Variants in LRRC4C observed in about 807,000 individuals in gnomAD.
The protein encoded by LRRC4C is leucine rich repeat containing 4C.
LRRC4C carries 5 observed loss-of-function variants against 33.6 expected under a neutral mutation model. The ratio of observed to expected loss-of-function variants is 0.15; its 90% confidence interval spans 0.08 to 0.31. The LOEUF is 0.31. Among genes scored for constraint, LRRC4C ranks in the 10% least tolerant of loss-of-function variants. LRRC4C has a pLI of 1.00. For missense variants in LRRC4C, 560 were observed against 796.7 expected (o/e 0.70, Z 3.58); for synonymous variants, 329 against 302.0 (o/e 1.09, Z -0.93).
chr11:41,430,585 C>T (rs950871212), intron 1 of LRRC4C, among the ~76,000 whole-genome samples: 1 of 152,108 alleles, frequency 6.6e-6, no homozygotes, highest in African/African-American at 2.4e-5. Flanking sequence ...ACCAGATAAA[C>T]AGGAAATGTT....
chr11:41,244,944 A>ACAT (rs1393301815), intron 1 of LRRC4C, among the ~76,000 whole-genome samples: 11 of 152,182 alleles, frequency 7.2e-5, no homozygotes, highest in Non-Finnish European at 1.5e-4. Flanking sequence ...TATTTTGCCT[A>ACAT]CATCACCTGT....
intron 3 of LRRC4C, among the ~76,000 whole-genome samples, chr11:40,405,734 C>G (rs572178490): frequency 7.6e-6 from 1 of 132,104 alleles, no homozygotes; most frequent in African/African-American, 2.7e-5. Context: ...TTTTGAGAAA[C>G]TTTTTGTAAG....
chr11:41,062,616 T>A (rs952039129), intron 1 of LRRC4C, among the ~76,000 whole-genome samples: 7 of 152,188 alleles, frequency 4.6e-5, no homozygotes. Flanking sequence ...CTATTCTCAA[T>A]GAACTTATAA....
intron 1 of LRRC4C, among the ~76,000 whole-genome samples, chr11:41,252,996 C>A (rs899119563): frequency 8.5e-5 from 13 of 152,132 alleles, no homozygotes; most frequent in African/African-American, 3.1e-4. Context: ...TGGATGGGGA[C>A]ACAGCCAAAC....
intron 3 of LRRC4C, among the ~76,000 whole-genome samples, chr11:40,567,058 A>G (rs1957794763): frequency 6.6e-6 from 1 of 152,144 alleles, no homozygotes; most frequent in East Asian, 1.9e-4. Context: ...ACTTTTGACT[A>G]CAAGGTGAAA....
intron 5 of LRRC4C, among the ~76,000 whole-genome samples, chr11:40,152,541 C>T (rs966054058): frequency 2.0e-5 from 3 of 152,178 alleles, no homozygotes; most frequent in African/African-American, 4.8e-5. Flanking sequence ...CAGATAGCCT[C>T]CAGCAAGTTT....
intron 2 of LRRC4C, among the ~76,000 whole-genome samples, chr11:40,857,453 G>A (rs866474933): frequency 1.1e-4 from 16 of 152,002 alleles, no homozygotes; most frequent in African/African-American, 3.4e-4. Context: ...GTGGTGTTTG[G>A]TTTTCTGTTC....
At chr11:40,459,483 G>A (rs1053771573) in intron 3 of LRRC4C, among the ~76,000 whole-genome samples, 14 of 152,170 alleles carry the variant, frequency 9.2e-5, no homozygotes, top group South Asian at 2.1e-4. Context: ...AGACACTGCC[G>A]TGCTCTAATC....
chr11:40,935,573 G>C lies in LRRC4C; in HGVS notation c.-495-1850C>G, dbSNP rs190441765. Among the ~76,000 whole-genome samples, 5 of 151,998 alleles carry C rather than the reference G, an allele frequency of 3.3e-5. 1 individual carries two copies. On this transcript the variant is annotated intron_variant, in intron 1 of 6. Coordinates refer to ENST00000528697, the MANE Select transcript of LRRC4C (RefSeq NM_001258419.2). Reference sequence around the variant, plus strand: ...CTATAATATTTCAGTACAGTAACATGGTGTACAGGTTTGTAGCCTGGGAGC... The same window carrying C: ...CTATAATATTTCAGTACAGTAACATCGTGTACAGGTTTGTAGCCTGGGAGC...
intron 3 of LRRC4C, among the ~76,000 whole-genome samples, chr11:40,636,053 G>T (rs1963934432): frequency 6.6e-6 from 1 of 152,150 alleles, no homozygotes; most frequent in South Asian, 2.1e-4. Flanking sequence ...TGCCCAGTGT[G>T]CTCTGACCCA....
chr11:41,403,644 C>T (rs1039857109), intron 1 of LRRC4C, among the ~76,000 whole-genome samples: 1 of 152,202 alleles, frequency 6.6e-6, no homozygotes, highest in East Asian at 1.9e-4. Flanking sequence ...GGGTTGCCGA[C>T]AAAAACTTGG....
chr11:40,599,780 G>A (rs1959783803), intron 3 of LRRC4C, among the ~76,000 whole-genome samples: 1 of 152,180 alleles, frequency 6.6e-6, no homozygotes, highest in South Asian at 2.1e-4. Flanking sequence ...AAAAGGACAA[G>A]CTGGGTTTAT....
intron 5 of LRRC4C, among the ~76,000 whole-genome samples, chr11:40,183,638 A>G (rs576530582): frequency 6.6e-6 from 1 of 152,378 alleles, no homozygotes; most frequent in Admixed American, 6.5e-5. Context: ...TATAAAACCA[A>G]TCAGAAACTC....
rs889676608 is a variant in LRRC4C at position 40,405,433 on chromosome 11, C to T, written c.-269-85712G>A. Among the ~76,000 whole-genome samples, 4 of 151,558 alleles carry T rather than the reference C, an allele frequency of 2.6e-5. No homozygotes were observed. In the South Asian group the frequency reaches 8.3e-4, roughly 32 times the overall value. ...GGTGGATCACCTGAGGTAAGGAGTT[C>T]GAGACCAGTTTGACAAACATAGTGA... On this transcript the variant is annotated intron_variant, in intron 3 of 6. Transcript: ENST00000528697.
intron 3 of LRRC4C, among the ~76,000 whole-genome samples, chr11:40,586,118 C>T (rs1958726529): frequency 1.3e-5 from 2 of 149,556 alleles, no homozygotes; most frequent in South Asian, 4.3e-4. Context: ...TATTTCTCCA[C>T]ATCCTCTCCA....
At chr11:40,611,347 A>C (rs1961197195) in intron 3 of LRRC4C, among the ~76,000 whole-genome samples, 1 of 151,920 alleles carries the variant, frequency 6.6e-6, no homozygotes. Context: ...CCTGACTTAC[A>C]CCATACATAA....
chr11:40,514,619 CTTTAT>C (rs1463316352), intron 3 of LRRC4C, among the ~76,000 whole-genome samples: 13 of 151,908 alleles, frequency 8.6e-5, no homozygotes, highest in African/African-American at 2.9e-4. Flanking sequence ...TTATTTTATC[CTTTAT>C]TTTAATTATT....
At chr11:40,464,314 A>G (rs1338805758) in intron 3 of LRRC4C, among the ~76,000 whole-genome samples, 2 of 152,020 alleles carry the variant, frequency 1.3e-5, no homozygotes, top group East Asian at 1.9e-4. Context: ...ACTAGGCATC[A>G]AAGGAACACA....
chr11:40,884,067 C>T (rs1216822084), intron 2 of LRRC4C, among the ~76,000 whole-genome samples: 1 of 151,988 alleles, frequency 6.6e-6, no homozygotes, highest in East Asian at 1.9e-4. Context: ...CTCTCCTTTC[C>T]CCCTACCCCG....
Sources: gnomAD v4.1 joint callset for allele counts (sites outside exome capture counted in the v4.1 genomes callset) on GRCh38, gnomAD v4.1.1 for gene constraint, MANE v1.5 for transcripts, NCBI Gene and HGNC (gene_info 2026-07-23, HGNC 2026-07-21) for gene names.